The following LIN52 variants were observed in gnomAD, a reference collection of about 807,000 sequenced individuals.
The protein encoded by LIN52 is protein lin-52 homolog.
In LIN52, 4 loss-of-function variants were observed where a neutral mutation model predicts 18.5. The ratio of observed to expected loss-of-function variants is 0.22; its 90% confidence interval spans 0.11 to 0.49. LIN52 has a LOEUF of 0.49. Among genes scored for constraint, LIN52 ranks in the 20% least tolerant of loss-of-function variants. The probability of loss-of-function intolerance (pLI) is 0.97; values close to 1 mark genes in which losing one functional copy is unlikely to be tolerated. For missense variants in LIN52, 102 were observed against 139.5 expected (o/e 0.73, Z 1.35); for synonymous variants, 34 against 45.5 (o/e 0.75, Z 1.02).
chr14:74,145,535 A>G (rs898266375), intron 5 of LIN52, among the ~76,000 whole-genome samples: 2 of 152,224 alleles, frequency 1.3e-5, no homozygotes, highest in African/African-American at 4.8e-5. Context: ...GCCTGTTAAT[A>G]AGTTTGCTAT....
Position 74,140,224 on chromosome 14 carries a change from C to G in LIN52, c.283+38986C>G, listed in dbSNP as rs2061121954. 1.3e-5 allele frequency among the ~76,000 whole-genome samples: 2 copies of G among 152,230 alleles called. 1 individual carries two copies. The highest frequency in any genetic ancestry group is 6.8e-3 in the Middle Eastern group (2 of 294). ...TTAGTATTTAAAGGCGACTCCTTAC[C>G]TTCTTGTAGCACTTTGTCTACTGCA... On this transcript the variant is annotated intron_variant, in intron 5 of 5. Transcript: ENST00000555028.
intron 5 of LIN52, among the ~76,000 whole-genome samples, chr14:74,158,635 C>T (rs1381570834): frequency 6.6e-5 from 10 of 152,008 alleles, no homozygotes; most frequent in Non-Finnish European, 1.0e-4. Context: ...TGTGCCACCA[C>T]GCCCGGCTAA....
At chr14:74,197,024 C>T (rs890948812) in intron 5 of LIN52, among the ~76,000 whole-genome samples, 12 of 152,186 alleles carry the variant, frequency 7.9e-5, no homozygotes, top group African/African-American at 1.4e-4. Flanking sequence ...AGTAGTTAGT[C>T]CTTGACCCCA....
intron 5 of LIN52, among the ~76,000 whole-genome samples, chr14:74,189,296 T>C (rs531693413): frequency 6.6e-6 from 1 of 152,352 alleles, no homozygotes; most frequent in East Asian, 1.9e-4. Flanking sequence ...GTAAAGGCCC[T>C]GAAGCATGAA....
At chr14:74,139,910 CTG>C (rs1336356155) in intron 5 of LIN52, among the ~76,000 whole-genome samples, 9 of 152,090 alleles carry the variant, frequency 5.9e-5, no homozygotes, top group Admixed American at 1.3e-4. Context: ...ATGAGGTAGA[CTG>C]TGGTGATATT....
At chr14:74,129,731 A>C (rs10132934) in intron 5 of LIN52, among the ~76,000 whole-genome samples, 34,129 of 151,940 alleles carry the variant, frequency 0.22, 4,159 homozygotes, top group South Asian at 0.46. Flanking sequence ...ACCTGTAGTC[A>C]CAGCTACTTG....
intron 5 of LIN52, among the ~76,000 whole-genome samples, chr14:74,145,792 G>A (rs1048281979): frequency 6.6e-6 from 1 of 151,986 alleles, no homozygotes; most frequent in African/African-American, 2.4e-5. Context: ...TTTGTTTCTC[G>A]GCCCTTCTAA....
At chr14:74,150,630 T>A (rs2061172895) in intron 5 of LIN52, among the ~76,000 whole-genome samples, 1 of 152,326 alleles carries the variant, frequency 6.6e-6, no homozygotes, top group East Asian at 1.9e-4. Flanking sequence ...TTATGATTTG[T>A]ACATTTTTCT....
intron 1 of LIN52, among the ~76,000 whole-genome samples, chr14:74,089,534 A>C (rs1248270812): frequency 1.3e-5 from 2 of 151,710 alleles, no homozygotes; most frequent in Non-Finnish European, 2.9e-5. Context: ...CACCTGGCTA[A>C]TTTTTTTGCT....
intron 5 of LIN52, among the ~76,000 whole-genome samples, chr14:74,156,699 G>A (rs1158904243): frequency 8.5e-5 from 13 of 152,216 alleles, no homozygotes; most frequent in Middle Eastern, 3.4e-3. Context: ...ATAAATTGTT[G>A]TTAATTACAG....
At chr14:74,158,430 G>A (rs1026126090) in intron 5 of LIN52, among the ~76,000 whole-genome samples, 6 of 150,782 alleles carry the variant, frequency 4.0e-5, no homozygotes, top group Non-Finnish European at 5.9e-5. Flanking sequence ...TACTGCTGTC[G>A]TAAGTTATTT....
chr14:74,135,716 T>G (rs548173942), intron 5 of LIN52, among the ~76,000 whole-genome samples: 1 of 152,266 alleles, frequency 6.6e-6, no homozygotes, highest in South Asian at 2.1e-4. Flanking sequence ...CATAGTAGAG[T>G]TTATTCTTAC....
At chr14:74,184,022 A>G (rs1297614227) in intron 5 of LIN52, among the ~76,000 whole-genome samples, 1 of 152,130 alleles carries the variant, frequency 6.6e-6, no homozygotes, top group African/African-American at 2.4e-5. Flanking sequence ...ATTTCTCTGT[A>G]ACTGCACCCC....
At chr14:74,167,860 A>G (rs2061256020) in intron 5 of LIN52, among the ~76,000 whole-genome samples, 2 of 152,108 alleles carry the variant, frequency 1.3e-5, no homozygotes. Flanking sequence ...TACAGTTATT[A>G]TATTCCATTT....
intron 5 of LIN52, among the ~76,000 whole-genome samples, chr14:74,178,138 CT>C (rs1465910482): frequency 1.3e-5 from 2 of 152,120 alleles, no homozygotes. Flanking sequence ...TAGAGTGTAA[CT>C]TTGCGAGAAA....
intron 5 of LIN52, among the ~76,000 whole-genome samples, chr14:74,111,191 A>G (rs767533608): frequency 1.4e-4 from 22 of 152,196 alleles, no homozygotes; most frequent in Non-Finnish European, 2.8e-4. Flanking sequence ...GATCATTTAC[A>G]TTTAGAAGTT....
intron 5 of LIN52, among the ~76,000 whole-genome samples, chr14:74,103,142 A>G (rs992658207): frequency 6.6e-6 from 1 of 151,768 alleles, no homozygotes; most frequent in Non-Finnish European, 1.5e-5. Context: ...TCAGTGGTGC[A>G]ATCTCGGCTC....
chr14:74,137,614 T>C (rs2061105971), intron 5 of LIN52, among the ~76,000 whole-genome samples: 1 of 151,042 alleles, frequency 6.6e-6, no homozygotes, highest in South Asian at 2.1e-4. Flanking sequence ...TTCTTCTGCC[T>C]CAGCCTCCCG....
chr14:74,155,311 T>C (rs1327370580), intron 5 of LIN52, among the ~76,000 whole-genome samples: 1 of 152,248 alleles, frequency 6.6e-6, no homozygotes, highest in African/African-American at 2.4e-5. Context: ...CTGATAAACC[T>C]TGCTAGCTGT....
Sources: allele counts gnomAD v4.1 joint callset (sites outside exome capture counted in the v4.1 genomes callset), GRCh38; gene constraint gnomAD v4.1.1; transcripts MANE v1.5; gene names NCBI Gene and HGNC (gene_info 2026-07-23, HGNC 2026-07-21).